Variants in GIN1 observed in about 807,000 individuals in gnomAD.
The protein encoded by GIN1 is gypsy retrotransposon integrase-like protein 1.
In GIN1, 41 loss-of-function variants were observed where a neutral mutation model predicts 51.4. The ratio of observed to expected loss-of-function variants is 0.80; its 90% confidence interval spans 0.62 to 1.04. GIN1 has a LOEUF of 1.04. GIN1 is among the 50% of genes least tolerant of loss of function. GIN1 has a pLI of 0.00. For synonymous variants in GIN1, 222 were observed against 206.5 expected (o/e 1.07, Z -0.64); for missense variants, 610 against 612.4 (o/e 1.00, Z 0.04).
intron 1 of GIN1, among the ~76,000 whole-genome samples, chr5:103,111,796 T>C (rs1228121150): frequency 6.6e-6 from 1 of 152,172 alleles, no homozygotes; most frequent in Non-Finnish European, 1.5e-5. Context: ...TCCAAGTTCC[T>C]ACCATCTCTT....
At chr5:103,106,407 T>C (rs574520074) in intron 3 of GIN1, among the ~76,000 whole-genome samples, 1 of 152,058 alleles carries the variant, frequency 6.6e-6, no homozygotes, top group Non-Finnish European at 1.5e-5. Flanking sequence ...GAAGTAATGA[T>C]TTAGTCAAAT....
At chr5:103,119,934 A>T (rs566958396) in intron 1 of GIN1, 130 bp downstream of exon 1, 1 of 152,754 alleles carries the variant, frequency 6.5e-6, no homozygotes, top group African/African-American at 2.4e-5. Context: ...GCTTGCGCAA[A>T]ATCTCCCCAC....
intron 1 of GIN1, among the ~76,000 whole-genome samples, chr5:103,115,058 A>G (rs1169520791): frequency 6.6e-6 from 1 of 152,208 alleles, no homozygotes; most frequent in Admixed American, 6.5e-5. Context: ...AAAGGCAAGG[A>G]GCTACAAGAT....
At chr5:103,098,437 A>T (rs1554195401) in intron 4 of GIN1, among the ~76,000 whole-genome samples, 1 of 152,160 alleles carries the variant, frequency 6.6e-6, no homozygotes, top group African/African-American at 2.4e-5. Context: ...AAGGAAATGG[A>T]AGAACAGAAC....
chr5:103,096,614 G>A lies in GIN1; in HGVS notation c.1221C>T (p.Asn407=). 6.2e-7 allele frequency: 1 copy of A among 1,613,360 alleles called. No individual in the cohort carries two copies. The highest frequency in any genetic ancestry group is 8.5e-7 in the Non-Finnish European group (1 of 1,179,294). Residue 407 remains asparagine, a synonymous_variant, in exon 7 of 8, where the codon AAC becomes AAT. Transcript: ENST00000399004. ...TESGCAVLRD[N]TGVRLKRPIK... is the part of the protein sequence containing the mutation. ...TAGGTCTTTTCAGTCTAACCCCAGT[G>A]TTGTCTCTCAGGACAGCACATCCAC...
intron 7 of GIN1, among the ~76,000 whole-genome samples, chr5:103,094,482 ATAT>A (rs1484800588): frequency 3.9e-5 from 6 of 152,260 alleles, no homozygotes; most frequent in African/African-American, 1.4e-4. Context: ...TATGAGGCAA[ATAT>A]TATACTGCCT....
chr5:103,104,108 C>T (rs1281756248), intron 4 of GIN1, among the ~76,000 whole-genome samples: 1 of 152,088 alleles, frequency 6.6e-6, no homozygotes, highest in African/African-American at 2.4e-5. Flanking sequence ...CGCCCACCAC[C>T]ATGCCCAGTT....
At chr5:103,094,151 A>C (rs1243446958) in intron 7 of GIN1, among the ~76,000 whole-genome samples, 1 of 152,320 alleles carries the variant, frequency 6.6e-6, no homozygotes, top group African/African-American at 2.4e-5. Flanking sequence ...ATTCAGCTCA[A>C]GGACTCTTTC....
intron 7 of GIN1, among the ~76,000 whole-genome samples, chr5:103,095,068 G>A (rs1168199903): frequency 7.9e-5 from 12 of 152,230 alleles, no homozygotes; most frequent in African/African-American, 2.9e-4. Flanking sequence ...CATAGGGTAA[G>A]TGTAGGTTAT....
intron 7 of GIN1, among the ~76,000 whole-genome samples, chr5:103,093,188 G>C (rs1360365619): frequency 6.6e-6 from 1 of 152,080 alleles, no homozygotes; most frequent in Non-Finnish European, 1.5e-5. Flanking sequence ...AATCTTACAT[G>C]GTGAAGGAGA....
At chr5:103,096,102 G>A (rs1194289510) in intron 7 of GIN1, among the ~76,000 whole-genome samples, 1 of 152,124 alleles carries the variant, frequency 6.6e-6, no homozygotes, top group Non-Finnish European at 1.5e-5. Context: ...AGCACTTTGG[G>A]AAGTCAAGGC....
At chr5:103,101,531 T>G (rs576209297) in intron 4 of GIN1, among the ~76,000 whole-genome samples, 3 of 152,202 alleles carry the variant, frequency 2.0e-5, no homozygotes, top group Non-Finnish European at 4.4e-5. Flanking sequence ...AGCTGGAAGT[T>G]AAATAGACGT....
rs782324988 is a variant in GIN1, at chr5:103,106,732, T to A, written c.317A>T (p.Asn106Ile). The change falls in exon 3 of 8, where the codon AAT (asparagine) becomes ATT (isoleucine). Residue 106 changes from asparagine (N) to isoleucine (I), a missense_variant. Transcript: ENST00000399004. ...ESNYYWTSVT[N>I]DVKQWVYACQ... ...AAGCCATACCCACTGTTTGACATCA[T>A]TGGTCACAGATGTCCAATAATAATT... 13 of 1,587,698 alleles carry A rather than the reference T, an allele frequency of 8.2e-6. No homozygotes were observed. The South Asian group carries it at 1.4e-4, about 17-fold the overall frequency.
intron 3 of GIN1, among the ~76,000 whole-genome samples, chr5:103,105,924 A>C (rs1554196228): frequency 6.6e-6 from 1 of 152,204 alleles, no homozygotes; most frequent in Non-Finnish European, 1.5e-5. Context: ...AGCAGGAAAA[A>C]TATATAAATT....
At chr5:103,116,753 C>A (rs1788042658) in intron 1 of GIN1, among the ~76,000 whole-genome samples, 1 of 151,660 alleles carries the variant, frequency 6.6e-6, no homozygotes, top group South Asian at 2.1e-4. Context: ...AGCAAACAAC[C>A]CAATTTAAAA....
At position 103,104,827 on chromosome 5, in the gene GIN1, C is replaced by T; in HGVS notation, c.353G>A (p.Cys118Tyr). 1 of 1,602,244 alleles carries T rather than the reference C, an allele frequency of 6.2e-7. No homozygotes were observed. Among genetic ancestry groups the T allele is most frequent in the Non-Finnish European group, 8.5e-7 (1 of 1,172,054 alleles). The change falls in exon 4 of 8, where the codon TGC becomes TAC. Residue 118 changes from cysteine (C) to tyrosine (Y), a missense_variant. Cys to Tyr is a radical substitution (Grantham distance 194). Transcript: ENST00000399004. ...AATAACTGTATTTTTTGCCACTTGG[C>T]AATGCTGACAAGCATATACCTACAA... ...VKQWVYACQH[C>Y]QVAKNTVIVA...
chr5:103,088,222 T>C, intron 7 of GIN1, 50 bp from the exon 8 acceptor site: 2 of 1,089,566 alleles, frequency 1.8e-6, no homozygotes, highest in Non-Finnish European at 1.3e-6. Context: ...TAATTAAACA[T>C]ATTTTTTAAT....
chr5:103,103,946 C>T (rs1453835734), intron 4 of GIN1, among the ~76,000 whole-genome samples: 1 of 151,910 alleles, frequency 6.6e-6, no homozygotes, highest in Admixed American at 6.6e-5. Flanking sequence ...TGTGCCACCA[C>T]ACCTGGCTAA....
rs1227288221 is a variant in GIN1, at chr5:103,087,557, G to A, written c.*341C>T. The A allele has an allele frequency of 2.5e-5, 4 of 162,844 alleles. No individual in the cohort carries two copies. The highest frequency in any genetic ancestry group is 5.3e-5 in the Non-Finnish European group (4 of 75,606). The allele number at this position is 162,844 out of a possible 1,614,324, so 10.1% of individuals were successfully genotyped here. ...TCAAACTTACTGTTTAAATGGTAGAGAATTTCAGAAAATTTAAAACTTAGA... is the reference window on the plus strand; with the variant it reads ...TCAAACTTACTGTTTAAATGGTAGAAAATTTCAGAAAATTTAAAACTTAGA... On this transcript the variant is annotated 3_prime_UTR_variant, in exon 8 of 8. Transcript: ENST00000399004.
Sources: allele counts gnomAD v4.1 joint callset (sites outside exome capture counted in the v4.1 genomes callset), GRCh38; gene constraint gnomAD v4.1.1; transcripts MANE v1.5; gene names NCBI Gene and HGNC (gene_info 2026-07-23, HGNC 2026-07-21).